The following TRPV3 variants were observed in gnomAD, a reference collection of about 807,000 sequenced individuals.
TRPV3 encodes VRL-3.
In TRPV3, 88 loss-of-function variants were observed where a neutral mutation model predicts 87.1. The ratio of observed to expected loss-of-function variants is 1.01; its 90% CI spans 0.85 to 1.21. The LOEUF (loss-of-function observed/expected upper bound fraction) is 1.21, where lower values mean the gene tolerates loss of function less well. Among genes scored for constraint, TRPV3 ranks in the 50% most tolerant of loss-of-function variants. The probability of loss-of-function intolerance (pLI) is 0.00; values close to 1 mark genes in which losing one functional copy is unlikely to be tolerated. For missense variants in TRPV3, 1,054 were observed against 1,030.1 expected (o/e 1.02, Z -0.32); for synonymous variants, 438 against 423.3 (o/e 1.03, Z -0.43).
rs749226142 is a variant in TRPV3 at position 3,518,690 on chromosome 17, C to T, written c.1971G>A (p.Leu657=). 3.2e-5 allele frequency: 52 copies of T among 1,610,352 alleles called. 1 individual carries two copies. Among genetic ancestry groups the T allele is most frequent in the East Asian group, 1.6e-4 (7 of 44,832 alleles). ...AGGTGAGGATGACATAGGTGATGAGCAGGAACAGAAAGAGAATGGGATACT... is the reference window on the plus strand; with the variant it reads ...AGGTGAGGATGACATAGGTGATGAGTAGGAACAGAAAGAGAATGGGATACT... ...NSKYPILFLF[L]LITYVILTFV... is the part of the protein sequence containing the mutation. Residue 657 remains leucine (L), a synonymous_variant, in exon 15 of 18, where the codon CTG becomes CTA. Transcript: ENST00000576742. This position sits in a 1 kb window ranked among gnomAD's most constrained non-coding sequence, Gnocchi z 4.3.
chr17:3,524,131 TCA>T, intron 13 of TRPV3, 65 bp downstream of exon 13: 1 of 1,581,830 alleles, frequency 6.3e-7, no homozygotes, highest in Non-Finnish European at 8.6e-7. Context: ...TCTCCAGATC[TCA>T]GTTTCCCCAT....
rs140777603 is a variant in TRPV3 at position 3,525,659 on chromosome 17, G to T, written c.1577+1195C>A. Among the ~76,000 whole-genome samples, 4 of 147,278 alleles carry T rather than the reference G, an allele frequency of 2.7e-5. No individual in the cohort carries two copies. The East Asian group carries it at 8.0e-4, about 30-fold the overall frequency. On this transcript the variant is annotated intron_variant, in intron 12 of 17. Coordinates refer to ENST00000576742, the MANE Select transcript of TRPV3 (RefSeq NM_145068.4). The stretch of plus-strand genomic sequence containing the variant: ...TTTTGAGATGTAGTCTCACTCTGTC[G>T]CCCAGGCTGGAGTACAGTGGCATGA...
chr17:3,527,988 C>A, intron 11 of TRPV3, 37 bp downstream of exon 11: 1 of 1,542,008 alleles, frequency 6.5e-7, no homozygotes, highest in Non-Finnish European at 8.9e-7. Context: ...CTGCCTGCCT[C>A]GCGGGGCGGT....
At chr17:3,527,930 G>C in intron 11 of TRPV3, 95 bp downstream of exon 11, 1 of 996,802 alleles carries the variant, frequency 1.0e-6, no homozygotes, top group Non-Finnish European at 1.6e-6. Context: ...CGCCTCCCCA[G>C]AACCCCCCAG....
Position 3,554,779 on chromosome 17 carries a change from G to A in TRPV3, c.72C>T (p.Ala24=), listed in dbSNP as rs116068630. The A allele has an allele frequency of 1.6e-3, 2,605 of 1,612,838 alleles. 50 individuals carry two copies. In the East Asian group the frequency reaches 0.023, roughly 14 times the overall value. The change falls in exon 2 of 18, where the codon GCC becomes GCT. Residue 24 remains alanine (A), a synonymous_variant. Transcript: ENST00000576742. ...CCGCCGGCCTCTTCTCTGGCAGGAT[G>A]GCAGGGTTCCCACTGGGGGCAGCAA... The part of the protein sequence containing the change: ...KRVAAPSGNP[A]ILPEKRPAEI...
rs370215466 is a variant in TRPV3 at position 3,518,651 on chromosome 17, G to C, written c.2010C>G (p.Leu670=). 1.9e-6 allele frequency: 3 copies of C among 1,598,798 alleles called. No individual in the cohort carries two copies. Among genetic ancestry groups the C allele is most frequent in the African/African-American group, 1.3e-5 (1 of 74,842 alleles). ...CGCCCATCAGAGCAATGAGCATGTT[G>C]AGGAGGAGAACAAAGGTGAGGATGA... is the stretch of plus-strand genomic sequence containing the variant. ...TYVILTFVLL[L]NMLIALMGET... is the part of the protein sequence containing the mutation. Residue 670 remains leucine, a synonymous_variant, in exon 15 of 18, where the codon CTC becomes CTG. Coordinates refer to ENST00000576742, the MANE Select transcript of TRPV3 (RefSeq NM_145068.4). The surrounding 1 kb of genome is among the most constrained non-coding windows in gnomAD (Gnocchi z 4.3).
chr17:3,514,770 C>T, intron 16 of TRPV3, 98 bp from the exon 17 acceptor site: 1 of 909,234 alleles, frequency 1.1e-6, no homozygotes. Flanking sequence ...TACACAGCTC[C>T]CCTTCTGTCT....
chr17:3,527,014 A>C (rs750504450), intron 11 of TRPV3, 87 bp from the exon 12 acceptor site: 23 of 1,069,010 alleles, frequency 2.2e-5, no homozygotes, highest in Admixed American at 4.0e-5. Context: ...CAGGACCAAG[A>C]CTCAGTGAGG....
chr17:3,538,987 C>T (rs374831938), intron 6 of TRPV3, among the ~76,000 whole-genome samples: 10 of 152,276 alleles, frequency 6.6e-5, no homozygotes, highest in African/African-American at 1.9e-4. Flanking sequence ...TAGACAAGAT[C>T]GTGCACTGTG....
At chr17:3,523,529 G>A (rs1426251733) in intron 13 of TRPV3, among the ~76,000 whole-genome samples, 1 of 152,056 alleles carries the variant, frequency 6.6e-6, no homozygotes, top group Non-Finnish European at 1.5e-5. Context: ...GACAATCCTG[G>A]CCAACATGCT....
intron 6 of TRPV3, among the ~76,000 whole-genome samples, chr17:3,540,200 T>C (rs1351901612): frequency 1.3e-5 from 2 of 151,750 alleles, no homozygotes; most frequent in Admixed American, 6.6e-5. Context: ...AACTTTAGAG[T>C]GGACAATCAG....
Position 3,530,257 on chromosome 17 carries a change from C to T in TRPV3, c.1066-54G>A. 1 of 1,543,940 alleles carries T rather than the reference C, an allele frequency of 6.5e-7. No homozygotes were observed. The highest frequency in any genetic ancestry group is 1.9e-5 in the Admixed American group (1 of 53,582). ...CTGCAGAACAGGGGCTTAAGGCCAA[C>T]AGGGCTGGACCAGCCAGAGGCTGGC... On this transcript the variant is annotated intron_variant, in intron 8 of 17. Transcript: ENST00000576742. The surrounding 1 kb of genome is among the most constrained non-coding windows in gnomAD (Gnocchi z 4.0).
chr17:3,513,636 C>G lies in TRPV3; in HGVS notation c.*281G>C, dbSNP rs749146584. 1.3e-4 allele frequency: 44 copies of G among 336,860 alleles called. No homozygotes were observed. The highest frequency in any genetic ancestry group is 2.2e-4 in the Admixed American group (5 of 23,016). 20.9% of individuals were successfully genotyped at this position (336,860 alleles called of 1,614,324 possible). The stretch of plus-strand genomic sequence containing the variant: ...CTGCAATTGGTAAAACCAGAGGCTT[C>G]ACCCGGGACTTCAGGAGGCTCCCAG... On this transcript the variant is annotated 3_prime_UTR_variant, in exon 18 of 18. Coordinates refer to ENST00000576742, the MANE Select transcript of TRPV3 (RefSeq NM_145068.4).
chr17:3,523,287 G>A (rs2074263618), intron 13 of TRPV3, among the ~76,000 whole-genome samples: 1 of 152,160 alleles, frequency 6.6e-6, no homozygotes, highest in African/African-American at 2.4e-5. Context: ...TGATAAACAA[G>A]TAAAGTTCAA....
intron 13 of TRPV3, among the ~76,000 whole-genome samples, chr17:3,523,018 G>A (rs1266275081): frequency 6.6e-6 from 1 of 152,044 alleles, no homozygotes; most frequent in African/African-American, 2.4e-5. Context: ...TCTCCCCCAA[G>A]AATAAGGGGG....
rs2074489109 is a variant in TRPV3, at chr17:3,543,534, C to A, written c.406G>T (p.Val136Leu). ...AVSEGCVEEL[V>L]ELLVELQELC... ...TCCTGCAGCTCCACCAGCAACTCTA[C>A]CAACTCCTCCACGCAGCCCTCAGAC... The change falls in exon 5 of 18, where the codon GTA (valine) becomes TTA (leucine). Residue 136 changes from valine (V) to leucine (L), a missense_variant. By Grantham distance (32) the Val-to-Leu change is conservative (BLOSUM62 1). Transcript: ENST00000576742. 2 of 1,613,986 alleles carry A rather than the reference C, an allele frequency of 1.2e-6. No homozygotes were observed. Among genetic ancestry groups the A allele is most frequent in the African/African-American group, 2.7e-5 (2 of 74,944 alleles).
At position 3,510,770 on chromosome 17, in the gene TRPV3, G is replaced by A. The variant is rs185084978; in HGVS notation, c.*3147C>T. The A allele has an allele frequency of 7.9e-5, 12 of 152,248 alleles. No individual in the cohort carries two copies. The East Asian group carries it at 1.9e-3, about 25-fold the overall frequency. 9.4% of individuals were successfully genotyped at this position (152,248 alleles called of 1,614,324 possible). A position where few individuals can be genotyped will look rare whatever the true frequency, so the allele number is the denominator to read the frequency against. Reference sequence around the variant, plus strand: ...AGTACGGCTTACAGGCCCGGATGACGGCCCATCTACCTGGGCCCTGCCCAG... The same window carrying A: ...AGTACGGCTTACAGGCCCGGATGACAGCCCATCTACCTGGGCCCTGCCCAG... On this transcript the variant is annotated 3_prime_UTR_variant, in exon 18 of 18. Transcript: ENST00000576742.
intron 2 of TRPV3, among the ~76,000 whole-genome samples, chr17:3,547,578 A>G (rs887182615): frequency 2.0e-5 from 3 of 152,154 alleles, no homozygotes; most frequent in African/African-American, 7.2e-5. Context: ...CCAAGATCGC[A>G]CCATTGCACT....
chr17:3,530,414 T>C lies in TRPV3; in HGVS notation c.1066-211A>G, dbSNP rs994310171. ...CTGTTCCGCCCATCTCACTGGGGGT[T>C]GTGAATACCAGGGACAAAGGGTGTG... is the stretch of plus-strand genomic sequence containing the variant. On this transcript the variant is annotated intron_variant, in intron 8 of 17. Coordinates refer to ENST00000576742, the MANE Select transcript of TRPV3 (RefSeq NM_145068.4). This position sits in a 1 kb window ranked among gnomAD's most constrained non-coding sequence, Gnocchi z 4.0. Among the ~76,000 whole-genome samples, 3 of 151,892 alleles carry C rather than the reference T, an allele frequency of 2.0e-5. No homozygotes were observed. Among genetic ancestry groups the C allele is most frequent in the African/African-American group, 7.2e-5 (3 of 41,432 alleles).
Sources: allele counts gnomAD v4.1 joint callset (sites outside exome capture counted in the v4.1 genomes callset), GRCh38; gene constraint gnomAD v4.1.1; non-coding constraint Gnocchi (gnomAD v3.1); transcripts MANE v1.5; gene names NCBI Gene and HGNC (gene_info 2026-07-23, HGNC 2026-07-21).